ESRRG: variants seen among roughly 807,000 people sequenced by gnomAD.
The protein encoded by ESRRG is estrogen-related receptor gamma.
Under a neutral mutation model 44.0 loss-of-function variants are expected in ESRRG, and 13 were observed. The observed-to-expected ratio is 0.30, with a 90% CI of 0.19 to 0.47. The LOEUF is 0.47. Ranked by LOEUF, ESRRG falls within the 20% of genes least tolerant of loss-of-function variation. ESRRG has a pLI of 1.00. For missense variants in ESRRG, 395 were observed against 580.6 expected (o/e 0.68, Z 3.29); for synonymous variants, 215 against 214.6 (o/e 1.00, Z -0.02).
chr1:216,635,497 T>C (rs2065113147), intron 3 of ESRRG, among the ~76,000 whole-genome samples: 1 of 152,210 alleles, frequency 6.6e-6, no homozygotes, highest in Non-Finnish European at 1.5e-5. Context: ...TAGAACTGAA[T>C]GAACAGATTA....
intron 3 of ESRRG, among the ~76,000 whole-genome samples, chr1:216,641,841 A>T (rs1305868304): frequency 2.0e-5 from 3 of 152,232 alleles, no homozygotes; most frequent in Non-Finnish European, 4.4e-5. Context: ...AGTCTGGTCT[A>T]ATCCTCACAT....
At chr1:216,970,825 C>T (rs939561624) in intron 1 of ESRRG, among the ~76,000 whole-genome samples, 2 of 152,140 alleles carry the variant, frequency 1.3e-5, no homozygotes, top group Admixed American at 1.3e-4. Flanking sequence ...TGCTGGGAGC[C>T]AAAATTGTGG....
chr1:216,576,540 G>GGA (rs2061711360), intron 3 of ESRRG, among the ~76,000 whole-genome samples: 7 of 152,022 alleles, frequency 4.6e-5, no homozygotes, highest in Non-Finnish European at 8.8e-5. Flanking sequence ...TCGGATTCAA[G>GGA]TTGCATCCAA....
At chr1:217,135,675 G>C (rs1425276565) in intron 1 of ESRRG, among the ~76,000 whole-genome samples, 2 of 152,198 alleles carry the variant, frequency 1.3e-5, no homozygotes, top group African/African-American at 4.8e-5. Flanking sequence ...CTACCAGAGG[G>C]TGTTTCGGGG....
chr1:216,812,093 C>T (rs1292250559), intron 2 of ESRRG, among the ~76,000 whole-genome samples: 2 of 152,096 alleles, frequency 1.3e-5, no homozygotes, highest in African/African-American at 4.8e-5. Flanking sequence ...AACAGACTGT[C>T]CTTAGAAAGG....
chr1:217,097,725 TCTC>T (rs2092444361), intron 1 of ESRRG, among the ~76,000 whole-genome samples: 1 of 151,978 alleles, frequency 6.6e-6, no homozygotes, highest in South Asian at 2.1e-4. Context: ...TAAAAGCAAT[TCTC>T]CTCCCTCTCT....
intron 5 of ESRRG, among the ~76,000 whole-genome samples, chr1:216,556,370 G>A (rs535972921): frequency 1.8e-4 from 28 of 152,144 alleles, no homozygotes; most frequent in Middle Eastern, 6.8e-3. Flanking sequence ...TCACTTTATC[G>A]TTCAAAAGAG....
At chr1:217,092,894 G>A (rs1240446631), upstream of ESRRG, among the ~76,000 whole-genome samples, 1 of 152,148 alleles carries the variant, frequency 6.6e-6, no homozygotes, top group Non-Finnish European at 1.5e-5. Flanking sequence ...CCTTTCAGCT[G>A]AAGAAATGAC....
chr1:216,949,933 C>T (rs2066683240), intron 1 of ESRRG, among the ~76,000 whole-genome samples: 1 of 152,148 alleles, frequency 6.6e-6, no homozygotes, highest in Admixed American at 6.5e-5. Flanking sequence ...CAGCCTCAGC[C>T]TCCCAAGTAG....
At position 216,583,445 on chromosome 1, in the gene ESRRG, T is replaced by A. The variant is rs75197742; in HGVS notation, c.590-15347A>T. On this transcript the variant is annotated intron_variant, in intron 3 of 6. Coordinates refer to ENST00000408911, the MANE Select transcript of ESRRG (RefSeq NM_001438.4). ...ACAAAGCCTCTCATCTCTGCTGCCA[T>A]TGAGGAAACTAGATTGGAATCCCCT... is the stretch of plus-strand genomic sequence containing the variant. 5.7e-3 allele frequency among the ~76,000 whole-genome samples: 868 copies of A among 152,330 alleles called. 7 individuals are homozygous for A. The highest frequency in any genetic ancestry group is 0.016 in the African/African-American group (659 of 41,578).
chr1:216,585,480 T>G (rs2149883263), intron 3 of ESRRG, among the ~76,000 whole-genome samples: 1 of 144,936 alleles, frequency 6.9e-6, no homozygotes, highest in Non-Finnish European at 1.5e-5. Context: ...AAGTAAAAAC[T>G]AAAAGAGTAA....
At chr1:216,722,456 G>C (rs750429311) in intron 1 of ESRRG, among the ~76,000 whole-genome samples, 22 of 137,412 alleles carry the variant, frequency 1.6e-4, no homozygotes, top group Non-Finnish European at 2.4e-4. Context: ...TGTGCATAAA[G>C]ATATCCATAA....
At chr1:216,571,395 A>G (rs574251888) in intron 3 of ESRRG, among the ~76,000 whole-genome samples, 88 of 152,258 alleles carry the variant, frequency 5.8e-4, no homozygotes, top group African/African-American at 2.0e-3. Flanking sequence ...GTGAACCAAG[A>G]TCGCACCATT....
chr1:216,548,900 T>A (rs2055386182), intron 5 of ESRRG, among the ~76,000 whole-genome samples: 1 of 152,176 alleles, frequency 6.6e-6, no homozygotes, highest in South Asian at 2.1e-4. Flanking sequence ...ATTTTAATTT[T>A]GTCAATTTCA....
At chr1:216,966,550 G>T (rs1314456186) in intron 1 of ESRRG, among the ~76,000 whole-genome samples, 1 of 152,110 alleles carries the variant, frequency 6.6e-6, no homozygotes, top group Non-Finnish European at 1.5e-5. Flanking sequence ...GTGGGTGCAG[G>T]CTCACCTGTA....
chr1:216,632,459 A>C (rs978378385), intron 3 of ESRRG, among the ~76,000 whole-genome samples: 8 of 152,202 alleles, frequency 5.3e-5, no homozygotes, highest in African/African-American at 1.9e-4. Flanking sequence ...AGGACTTATT[A>C]ATTAAAGAAA....
At chr1:216,750,760 C>CTCT (rs2091928484) in intron 2 of ESRRG, among the ~76,000 whole-genome samples, 1 of 151,072 alleles carries the variant, frequency 6.6e-6, no homozygotes, top group Non-Finnish European at 1.5e-5. Context: ...AGTTATTTAC[C>CTCT]TTTTTTTAAA....
rs553937199 is a variant in ESRRG at position 216,897,246 on chromosome 1, G to T, written c.-14+42336C>A. Among the ~76,000 whole-genome samples the T allele has an allele frequency of 3.3e-5, 5 of 152,224 alleles. No homozygotes were observed. In the East Asian group the frequency reaches 5.8e-4, roughly 18 times the overall value. On this transcript the variant is annotated intron_variant, in intron 2 of 7. Transcript: ENST00000359162. ...AGTAAAACCACTAAATTACTCTTGG[G>T]GTTGTGGGGAATTGAGATGCCACTG... is the stretch of plus-strand genomic sequence containing the variant.
At chr1:216,661,722 A>G (rs1024889724) in intron 2 of ESRRG, among the ~76,000 whole-genome samples, 3 of 147,704 alleles carry the variant, frequency 2.0e-5, no homozygotes, top group Non-Finnish European at 4.5e-5. Context: ...GATGCTATCA[A>G]TGTGCCCAAA....
Sources: allele counts gnomAD v4.1 joint callset (sites outside exome capture counted in the v4.1 genomes callset), GRCh38; gene constraint gnomAD v4.1.1; transcripts MANE v1.5; gene names NCBI Gene and HGNC (gene_info 2026-07-23, HGNC 2026-07-21).